The following VEZT variants were observed in gnomAD, a reference collection of about 807,000 sequenced individuals.
VEZT encodes vezatin.
VEZT carries 39 observed loss-of-function variants against 79.9 expected under a neutral mutation model. That is an observed-to-expected ratio of 0.49 (90% CI 0.38 to 0.64). The LOEUF (loss-of-function observed/expected upper bound fraction) is 0.64, where lower values mean the gene tolerates loss of function less well. VEZT is among the 30% of genes least tolerant of loss of function. The pLI is 0.00. For missense variants in VEZT, 837 were observed against 893.1 expected (o/e 0.94, Z 0.80); for synonymous variants, 325 against 327.6 (o/e 0.99, Z 0.09).
chr12:95,223,045 T>A (rs905742857), intron 1 of VEZT, among the ~76,000 whole-genome samples: 1 of 152,222 alleles, frequency 6.6e-6, no homozygotes, highest in African/African-American at 2.4e-5. Context: ...GTTAAAGATA[T>A]GGGCTCTGGA....
intron 9 of VEZT, among the ~76,000 whole-genome samples, chr12:95,292,494 T>G (rs985197448): frequency 3.3e-5 from 5 of 152,190 alleles, no homozygotes; most frequent in African/African-American, 1.2e-4. Flanking sequence ...GTATTCTTTT[T>G]TAATCTTACA....
chr12:95,221,691 AG>A (rs1417458919), intron 1 of VEZT, among the ~76,000 whole-genome samples: 1 of 151,872 alleles, frequency 6.6e-6, no homozygotes, highest in East Asian at 1.9e-4. Context: ...AAAAAAAAAA[AG>A]AAAAAAATTA....
At chr12:95,262,417 G>A (rs935318848) in intron 3 of VEZT, 2 of 152,338 alleles carry the variant, frequency 1.3e-5, no homozygotes, top group African/African-American at 2.4e-5. Context: ...ACTATAAAGT[G>A]CTATGCAAAT....
chr12:95,234,382 C>T (rs921277991), intron 1 of VEZT, among the ~76,000 whole-genome samples: 7 of 151,202 alleles, frequency 4.6e-5, no homozygotes, highest in African/African-American at 1.2e-4. Context: ...CCCCGCCGGC[C>T]GGGTTCAAGC....
intron 1 of VEZT, among the ~76,000 whole-genome samples, chr12:95,225,761 CAAAAAAAAAAAAAAAAAA>C (rs531470163): frequency 1.9e-3 from 79 of 40,870 alleles, no homozygotes; most frequent in South Asian, 3.8e-3. Context: ...TGTTTCATAG[CAAAAAAAAAAAAAAAAAA>C]AAAAAAAAAA....
intron 2 of VEZT, among the ~76,000 whole-genome samples, chr12:95,254,328 A>G (rs976378704): frequency 6.7e-6 from 1 of 148,472 alleles, no homozygotes; most frequent in Non-Finnish European, 1.5e-5. Flanking sequence ...ATATTTTTCT[A>G]AAACGAAGTT....
chr12:95,289,309 C>CG (rs964994602), intron 9 of VEZT, among the ~76,000 whole-genome samples: 5 of 142,876 alleles, frequency 3.5e-5, no homozygotes, highest in Non-Finnish European at 3.0e-5. Context: ...CACAGCTACT[C>CG]GGGAGGCTGA....
At chr12:95,263,158 C>T in intron 4 of VEZT, 77 bp downstream of exon 4, 1 of 1,301,234 alleles carries the variant, frequency 7.7e-7, no homozygotes, top group Non-Finnish European at 1.0e-6. Flanking sequence ...ATTGTGCTCT[C>T]CATTGTAAAG....
chr12:95,274,690 TC>T, intron 6 of VEZT, 51 bp from the exon 7 acceptor site: 1 of 1,553,264 alleles, frequency 6.4e-7, no homozygotes, highest in Non-Finnish European at 8.7e-7. Context: ...TTTCACTGTA[TC>T]TTTTATGCTT....
Position 95,262,923 on chromosome 12 carries a change from C to T in VEZT, c.276C>T (p.Leu92=), listed in dbSNP as rs372819589. 1.8e-5 allele frequency: 28 copies of T among 1,594,762 alleles called. No individual in the cohort carries two copies. The highest frequency in any genetic ancestry group is 2.3e-5 in the Non-Finnish European group (27 of 1,166,794). ...LLHKLDIGFR[L]DSLHTILQQE... is the part of the protein sequence containing the mutation. The stretch of plus-strand genomic sequence containing the variant: ...ATGGCAAGGATATTGGATTCCGACT[C>T]GACTCATTACATACCATCCTGCAAC... Residue 92 remains leucine, a synonymous_variant, in exon 4 of 12, where the codon CTC becomes CTT. Transcript: ENST00000436874.
chr12:95,257,673 G>A (rs2063678727), intron 3 of VEZT, among the ~76,000 whole-genome samples: 1 of 152,054 alleles, frequency 6.6e-6, no homozygotes, highest in African/African-American at 2.4e-5. Context: ...GAACTCCAGG[G>A]GGGAAATACT....
Position 95,257,247 on chromosome 12 carries a change from G to A in VEZT, c.258+8G>A. ...GACTTACTTCACAAGTTGGTAAGTGGTCACTTCTTTTTGCCACTTTTCAGG... is the reference window on the plus strand; with the variant it reads ...GACTTACTTCACAAGTTGGTAAGTGATCACTTCTTTTTGCCACTTTTCAGG... On this transcript the variant is annotated splice_region_variant and intron_variant, in intron 3 of 11. Transcript: ENST00000436874. 6.3e-7 allele frequency: 1 copy of A among 1,595,762 alleles called. No individual in the cohort carries two copies. The highest frequency in any genetic ancestry group is 8.5e-7 in the Non-Finnish European group (1 of 1,170,534).
intron 1 of VEZT, among the ~76,000 whole-genome samples, chr12:95,238,965 A>G (rs1334324161): frequency 6.6e-6 from 1 of 152,212 alleles, no homozygotes; most frequent in Admixed American, 6.5e-5. Context: ...CCTAATATGG[A>G]AAGGTCTCTA....
At chr12:95,272,343 T>C (rs2066790680) in intron 6 of VEZT, among the ~76,000 whole-genome samples, 1 of 152,204 alleles carries the variant, frequency 6.6e-6, no homozygotes, top group Admixed American at 6.5e-5. Context: ...GAGGTTTGCA[T>C]GCTGAGAAAG....
At chr12:95,282,755 G>A in intron 8 of VEZT, 111 bp downstream of exon 8, 2 of 809,688 alleles carry the variant, frequency 2.5e-6, no homozygotes, top group Non-Finnish European at 3.7e-6. Flanking sequence ...CAAAACTGAG[G>A]CATGAGCATG....
chr12:95,254,005 G>A (rs2063040410), intron 2 of VEZT, among the ~76,000 whole-genome samples: 1 of 152,004 alleles, frequency 6.6e-6, no homozygotes, highest in African/African-American at 2.4e-5. Context: ...ATTTGAGATA[G>A]GGTCTTCCCC....
chr12:95,257,022 A>T (rs2063578190), intron 2 of VEZT, 128 bp from the exon 3 acceptor site: 1 of 737,878 alleles, frequency 1.4e-6, no homozygotes, highest in South Asian at 2.0e-5. Context: ...CAAGGTATAT[A>T]ACCTGGACAA....
intron 8 of VEZT, among the ~76,000 whole-genome samples, chr12:95,283,825 A>G (rs941428553): frequency 6.6e-6 from 1 of 152,196 alleles, no homozygotes. Flanking sequence ...AAAGCAGGTA[A>G]ATGCTAACGA....
intron 9 of VEZT, among the ~76,000 whole-genome samples, chr12:95,289,151 C>T (rs2071933686): frequency 1.3e-5 from 2 of 150,546 alleles, no homozygotes; most frequent in South Asian, 4.2e-4. Context: ...GGCTCAGTGG[C>T]TCACGCCTGT....
Sources: allele counts gnomAD v4.1 joint callset (sites outside exome capture counted in the v4.1 genomes callset), GRCh38; gene constraint gnomAD v4.1.1; transcripts MANE v1.5; gene names NCBI Gene and HGNC (gene_info 2026-07-23, HGNC 2026-07-21).